C10orf67: variants seen among roughly 807,000 people sequenced by gnomAD.
C10orf67 encodes uncharacterized protein C10orf67, mitochondrial.
In C10orf67, 60 loss-of-function variants were observed where a neutral mutation model predicts 35.6. The observed-to-expected ratio is 1.68, with a 90% CI of 1.37 to 2.09. The LOEUF (loss-of-function observed/expected upper bound fraction) is 2.09. Among genes scored for constraint, C10orf67 ranks in the 30% most tolerant of loss-of-function variants. The pLI, the probability that C10orf67 is intolerant of heterozygous loss-of-function variation, is 0.00. For missense variants in C10orf67, 474 were observed against 330.2 expected, an observed-to-expected ratio of 1.44 and a Z score of -3.38; for synonymous variants, 167 against 115.8, an observed-to-expected ratio of 1.44 and a Z score of -2.84.
At chr10:23,314,060 C>G (rs929155707) in intron 4 of C10orf67, among the ~76,000 whole-genome samples, 2 of 152,124 alleles carry the variant, frequency 1.3e-5, no homozygotes, top group Non-Finnish European at 2.9e-5. Flanking sequence ...TGGTGGCTCA[C>G]GCCTATAATC....
intron 7 of C10orf67, among the ~76,000 whole-genome samples, chr10:23,285,987 A>T (rs527463455): frequency 4.2e-4 from 64 of 152,266 alleles, no homozygotes; most frequent in African/African-American, 1.5e-3. Context: ...TACCAGTGAG[A>T]TTTTGTTTTT....
At chr10:23,306,968 G>A (rs981781674) in intron 4 of C10orf67, among the ~76,000 whole-genome samples, 2 of 152,048 alleles carry the variant, frequency 1.3e-5, no homozygotes, top group East Asian at 3.8e-4. Context: ...CCTCTAGAAG[G>A]GAAGACAGTA....
At chr10:23,336,028 A>T (rs1210250155) in intron 1 of C10orf67, among the ~76,000 whole-genome samples, 3 of 152,210 alleles carry the variant, frequency 2.0e-5, no homozygotes, top group South Asian at 4.1e-4. Context: ...CCATAAAAAA[A>T]ACTGGGAGTC....
At chr10:23,232,396 T>G (rs1841935804) in intron 13 of C10orf67, among the ~76,000 whole-genome samples, 1 of 152,194 alleles carries the variant, frequency 6.6e-6, no homozygotes, top group Non-Finnish European at 1.5e-5. Context: ...AGAAAATTAC[T>G]AACTATGCAA....
intron 13 of C10orf67, among the ~76,000 whole-genome samples, chr10:23,236,252 G>GA (rs1842046820): frequency 1.2e-5 from 1 of 81,550 alleles, no homozygotes; most frequent in Non-Finnish European, 2.0e-5. Context: ...CCCTCTCGGG[G>GA]GAAAAAAAAA....
intron 7 of C10orf67, among the ~76,000 whole-genome samples, chr10:23,285,379 T>C (rs933299830): frequency 6.7e-6 from 1 of 148,544 alleles, no homozygotes; most frequent in African/African-American, 2.4e-5. Flanking sequence ...ATATATATTA[T>C]ATTATATTTA....
At chr10:23,314,980 G>A (rs1193731027) in intron 4 of C10orf67, among the ~76,000 whole-genome samples, 1 of 152,148 alleles carries the variant, frequency 6.6e-6, no homozygotes, top group Non-Finnish European at 1.5e-5. Context: ...GAGGGCAGCA[G>A]AGAGTCATTT....
At chr10:23,318,368 T>G (rs1487834970) in intron 4 of C10orf67, 1 of 152,902 alleles carries the variant, frequency 6.5e-6, no homozygotes, top group Non-Finnish European at 1.5e-5. Context: ...AGTACCTACA[T>G]GTAGATCTTC....
At chr10:23,312,675 T>C (rs1176115234) in intron 4 of C10orf67, among the ~76,000 whole-genome samples, 1 of 152,204 alleles carries the variant, frequency 6.6e-6, no homozygotes, top group Non-Finnish European at 1.5e-5. Context: ...TAGTTGCATA[T>C]ATGTATCTGT....
At chr10:23,330,367 G>A (rs1269037449) in intron 2 of C10orf67, among the ~76,000 whole-genome samples, 1 of 152,192 alleles carries the variant, frequency 6.6e-6, no homozygotes, top group Non-Finnish European at 1.5e-5. Context: ...GTAGGCTGAG[G>A]TGGGAGGATC....
intron 13 of C10orf67, among the ~76,000 whole-genome samples, chr10:23,229,747 C>G (rs182280638): frequency 6.6e-6 from 1 of 151,780 alleles, no homozygotes; most frequent in Non-Finnish European, 1.5e-5. Context: ...AGTATAATAG[C>G]ATAAAAATAC....
chr10:23,261,350 T>C (rs1449650313), intron 10 of C10orf67, among the ~76,000 whole-genome samples: 3 of 152,228 alleles, frequency 2.0e-5, no homozygotes, highest in East Asian at 1.9e-4. Flanking sequence ...TCTAGCTTTA[T>C]TGTCCTGGCT....
chr10:23,290,179 A>C (rs181803015), intron 6 of C10orf67, among the ~76,000 whole-genome samples: 1 of 152,332 alleles, frequency 6.6e-6, no homozygotes, highest in Non-Finnish European at 1.5e-5. Flanking sequence ...TCAAGATCCA[A>C]GTGTGGCTGA....
rs186308969 is a variant in C10orf67 at position 23,289,218 on chromosome 10, C to T, written c.909+682G>A. On this transcript the variant is annotated intron_variant, in intron 7 of 15. Transcript: ENST00000636213. ...TCACTCTGTTGTCTAGGCTGAAGTG[C>T]AGTGGTGCAATTCTAGTTCACTGCA... Among the ~76,000 whole-genome samples, 194 of 152,216 alleles carry T rather than the reference C, an allele frequency of 1.3e-3. 2 individuals carry two copies. Among genetic ancestry groups the T allele is most frequent in the African/African-American group, 4.3e-3 (179 of 41,558 alleles).
intron 2 of C10orf67, among the ~76,000 whole-genome samples, chr10:23,325,198 G>A (rs559069165): frequency 2.0e-4 from 30 of 152,150 alleles, no homozygotes; most frequent in African/African-American, 6.0e-4. Flanking sequence ...TTAGCCAGGC[G>A]TGGTGGTGTG....
intron 8 of C10orf67, among the ~76,000 whole-genome samples, chr10:23,277,041 A>C (rs1052309244): frequency 5.3e-5 from 8 of 152,078 alleles, no homozygotes; most frequent in Admixed American, 4.6e-4. Context: ...CATGTGGTCC[A>C]AGGACCCCTA....
intron 13 of C10orf67, among the ~76,000 whole-genome samples, chr10:23,236,199 A>T (rs1317132016): frequency 7.2e-6 from 1 of 138,752 alleles, no homozygotes; most frequent in East Asian, 2.1e-4. Flanking sequence ...CAGTGAGCTG[A>T]GATTGCGCCA....
rs117025519 is a variant in C10orf67 at position 23,309,838 on chromosome 10, C to T, written c.547-6379G>A. Among the ~76,000 whole-genome samples, 308 of 152,344 alleles carry T rather than the reference C, an allele frequency of 2.0e-3. 1 individual carries two copies. Among genetic ancestry groups the T allele is most frequent in the Non-Finnish European group, 3.0e-3 (204 of 68,038 alleles). On this transcript the variant is annotated intron_variant, in intron 4 of 15. Coordinates refer to ENST00000636213, the MANE Select transcript of C10orf67 (RefSeq NM_001371909.1). ...AACAAAAAAGTTTTACTTTTACATG[C>T]TTCCTAACCTTGTTTTATTAGTGCA...
chr10:23,275,252 A>G (rs1843154136), intron 8 of C10orf67, among the ~76,000 whole-genome samples: 1 of 152,184 alleles, frequency 6.6e-6, no homozygotes, highest in African/African-American at 2.4e-5. Context: ...TGGGAGGCTG[A>G]GGTGGGAGGA....
Sources: allele counts gnomAD v4.1 joint callset (sites outside exome capture counted in the v4.1 genomes callset), GRCh38; gene constraint gnomAD v4.1.1; transcripts MANE v1.5; gene names NCBI Gene and HGNC (gene_info 2026-07-23, HGNC 2026-07-21).